Variants in TMEM181 observed in about 807,000 individuals in gnomAD.
TMEM181 encodes the protein G protein-coupled receptor 178.
A neutral mutation model predicts 71.9 loss-of-function variants in TMEM181; 39 were observed. That is an observed-to-expected ratio of 0.54 (90% CI 0.42 to 0.71). The LOEUF is 0.71. Among genes scored for constraint, TMEM181 ranks in the 30% least tolerant of loss-of-function variants. The probability of loss-of-function intolerance (pLI) is 0.00; values close to 1 mark genes in which losing one functional copy is unlikely to be tolerated. For missense variants in TMEM181, 595 were observed against 583.0 expected, an observed-to-expected ratio of 1.02 and a Z score of -0.21; for synonymous variants, 245 against 228.8, an observed-to-expected ratio of 1.07 and a Z score of -0.64.
At chr6:158,581,483 G>A (rs1189815893) in intron 3 of TMEM181, among the ~76,000 whole-genome samples, 1 of 152,152 alleles carries the variant, frequency 6.6e-6, no homozygotes, top group Non-Finnish European at 1.5e-5. Context: ...GCCAGGTGAG[G>A]TGGCTCATGC....
chr6:158,608,799 C>T (rs1232557281), intron 10 of TMEM181, 49 bp downstream of exon 10: 1 of 1,576,614 alleles, frequency 6.3e-7, no homozygotes, highest in East Asian at 2.2e-5. Flanking sequence ...AAGCATTTGA[C>T]AAAAGTGGAA....
At chr6:158,568,171 C>T (rs1782618485) in intron 1 of TMEM181, among the ~76,000 whole-genome samples, 1 of 152,028 alleles carries the variant, frequency 6.6e-6, no homozygotes, top group Admixed American at 6.6e-5. Context: ...GAGATGGTGC[C>T]AGGTTTCAGG....
chr6:158,598,016 G>A (rs1288969912), intron 6 of TMEM181, among the ~76,000 whole-genome samples: 2 of 152,156 alleles, frequency 1.3e-5, no homozygotes, highest in Non-Finnish European at 2.9e-5. Flanking sequence ...AATACGTCGT[G>A]CCCACACCCG....
At chr6:158,550,508 T>A (rs1386494196) in intron 1 of TMEM181, among the ~76,000 whole-genome samples, 1 of 151,460 alleles carries the variant, frequency 6.6e-6, no homozygotes. Context: ...ATAGAAAAAT[T>A]AGCTGGGCGT....
chr6:158,592,476 CTT>C (rs11285085), intron 6 of TMEM181, among the ~76,000 whole-genome samples: 3 of 148,186 alleles, frequency 2.0e-5, no homozygotes, highest in African/African-American at 2.5e-5. Context: ...GAGACCCCAT[CTT>C]TTTTTTTTTT....
chr6:158,554,870 G>C (rs959979947), intron 1 of TMEM181, among the ~76,000 whole-genome samples: 2 of 152,202 alleles, frequency 1.3e-5, no homozygotes, highest in African/African-American at 4.8e-5. Flanking sequence ...GTTGAAACCT[G>C]TTCACATGTC....
intron 1 of TMEM181, among the ~76,000 whole-genome samples, chr6:158,537,665 C>T (rs1582904901): frequency 6.6e-6 from 1 of 152,220 alleles, no homozygotes; most frequent in African/African-American, 2.4e-5. Flanking sequence ...TCCCTCACCC[C>T]CCCACCTCAA....
intron 6 of TMEM181, among the ~76,000 whole-genome samples, chr6:158,596,461 G>A (rs1182417943): frequency 6.6e-6 from 1 of 152,064 alleles, no homozygotes; most frequent in African/African-American, 2.4e-5. Flanking sequence ...CTGGAGTCTG[G>A]GCTCCATTTC....
At chr6:158,547,800 ACCT>A (rs1781580952) in intron 1 of TMEM181, among the ~76,000 whole-genome samples, 1 of 139,130 alleles carries the variant, frequency 7.2e-6, no homozygotes, top group Non-Finnish European at 1.5e-5. Context: ...TCCCGACCTG[ACCT>A]CCTGGTGCAG....
At chr6:158,593,963 T>C (rs1784250973) in intron 6 of TMEM181, among the ~76,000 whole-genome samples, 1 of 152,156 alleles carries the variant, frequency 6.6e-6, no homozygotes, top group African/African-American at 2.4e-5. Flanking sequence ...TTGTACATTC[T>C]GTAGGATCCA....
upstream of TMEM181, chr6:158,559,963 C>G: frequency 1.3e-6 from 1 of 788,350 alleles, no homozygotes; most frequent in Non-Finnish European, 1.5e-6. Flanking sequence ...GGGCTCCGCC[C>G]CGGCACGGGG....
At chr6:158,624,048 C>T (rs1786125767) in intron 11 of TMEM181, among the ~76,000 whole-genome samples, 1 of 152,196 alleles carries the variant, frequency 6.6e-6, no homozygotes, top group Non-Finnish European at 1.5e-5. Context: ...AGGCGTGAGC[C>T]ACTGTACCCG....
At chr6:158,614,950 G>A (rs997969784) in intron 10 of TMEM181, among the ~76,000 whole-genome samples, 2 of 152,150 alleles carry the variant, frequency 1.3e-5, no homozygotes, top group African/African-American at 4.8e-5. Flanking sequence ...ATAAACATAC[G>A]TGTGCATGTG....
intron 6 of TMEM181, among the ~76,000 whole-genome samples, chr6:158,603,818 T>G (rs1784799958): frequency 6.6e-6 from 1 of 152,204 alleles, no homozygotes; most frequent in East Asian, 1.9e-4. Flanking sequence ...ATTTTCCTGC[T>G]TTTTGGTGTG....
rs111303527 is a variant in TMEM181, at chr6:158,568,521, C to T, written c.9-4899C>T. Among the ~76,000 whole-genome samples, 311 of 152,236 alleles carry T rather than the reference C, an allele frequency of 2.0e-3. 2 individuals carry two copies. The highest frequency in any genetic ancestry group is 6.8e-3 in the African/African-American group (282 of 41,556). ...GGGAAGGCCTGGGGTCAGGGACCCC[C>T]AGGGACCCTCTCCTGTTCGTAGGCT... On this transcript the variant is annotated intron_variant, in intron 1 of 16. Transcript: ENST00000684151.
At chr6:158,560,413 GC>G (rs1782091124) in intron 1 of TMEM181, among the ~76,000 whole-genome samples, 181 bp downstream of exon 1, 2 of 152,130 alleles carry the variant, frequency 1.3e-5, no homozygotes, top group African/African-American at 4.8e-5. Flanking sequence ...TTTGCGCGGG[GC>G]GAGAGTAGAC....
At chr6:158,596,156 A>G (rs1203841455) in intron 6 of TMEM181, among the ~76,000 whole-genome samples, 2 of 152,164 alleles carry the variant, frequency 1.3e-5, no homozygotes, top group Middle Eastern at 3.4e-3. Flanking sequence ...TCCTGACCTC[A>G]TGATCCGCCC....
At chr6:158,562,802 C>G (rs1217488758) in intron 1 of TMEM181, among the ~76,000 whole-genome samples, 1 of 152,206 alleles carries the variant, frequency 6.6e-6, no homozygotes, top group Non-Finnish European at 1.5e-5. Flanking sequence ...TGTGAGTGTT[C>G]ACCATGTAGC....
At chr6:158,580,050 G>T (rs1254033474) in intron 2 of TMEM181, among the ~76,000 whole-genome samples, 1 of 152,166 alleles carries the variant, frequency 6.6e-6, no homozygotes, top group African/African-American at 2.4e-5. Context: ...GTTAAGACGG[G>T]CATGGCGCAG....
Sources: allele counts gnomAD v4.1 joint callset (sites outside exome capture counted in the v4.1 genomes callset), GRCh38; gene constraint gnomAD v4.1.1; transcripts MANE v1.5; gene names NCBI Gene and HGNC (gene_info 2026-07-23, HGNC 2026-07-21).